NELL1: variants seen among roughly 807,000 people sequenced by gnomAD.
The protein encoded by NELL1 is protein kinase C-binding protein NELL1.
Under a neutral mutation model 107.4 loss-of-function variants are expected in NELL1, and 76 were observed. The ratio of observed to expected loss-of-function variants is 0.71; its 90% CI spans 0.59 to 0.86. The LOEUF is 0.86. Ranked by LOEUF, NELL1 falls within the 40% of genes least tolerant of loss-of-function variation. The pLI is 0.00. For synonymous variants in NELL1, 353 were observed against 341.2 expected (o/e 1.03, Z -0.38); for missense variants, 1,024 against 1,005.5 (o/e 1.02, Z -0.25).
chr11:20,857,348 C>T (rs56838216), intron 4 of NELL1, among the ~76,000 whole-genome samples: 18,746 of 152,204 alleles, frequency 0.12, 1,417 homozygotes, highest in East Asian at 0.21. Flanking sequence ...CCCATCCACT[C>T]ACTCCCCTCG....
At chr11:21,560,878 A>C (rs1453354485) in intron 17 of NELL1, among the ~76,000 whole-genome samples, 1 of 130,860 alleles carries the variant, frequency 7.6e-6, no homozygotes, top group Non-Finnish European at 1.7e-5. Context: ...TGATAGTATG[A>C]GGCCTCTTAG....
At chr11:20,995,583 A>AG (rs1852073339) in intron 12 of NELL1, among the ~76,000 whole-genome samples, 1 of 147,502 alleles carries the variant, frequency 6.8e-6, no homozygotes, top group South Asian at 2.3e-4. Context: ...ATTAAAAAAA[A>AG]AAATCAGCGT....
chr11:20,725,745 TG>T (rs1855493728), intron 2 of NELL1, among the ~76,000 whole-genome samples: 1 of 152,232 alleles, frequency 6.6e-6, no homozygotes, highest in Non-Finnish European at 1.5e-5. Flanking sequence ...TGCTAGTTTT[TG>T]TTTATTTTTC....
At chr11:20,722,690 C>T (rs1171308661) in intron 2 of NELL1, among the ~76,000 whole-genome samples, 3 of 151,950 alleles carry the variant, frequency 2.0e-5, no homozygotes, top group African/African-American at 4.8e-5. Context: ...AAGTGCAAGC[C>T]GAAGAAGCCA....
At chr11:20,818,388 T>C (rs1004292695) in intron 3 of NELL1, among the ~76,000 whole-genome samples, 4 of 146,510 alleles carry the variant, frequency 2.7e-5, no homozygotes, top group Non-Finnish European at 6.0e-5. Context: ...TCATCCCATA[T>C]AAGAGAAGCA....
upstream of NELL1, chr11:20,669,579 G>A (rs1853840033): frequency 1.8e-6 from 1 of 562,914 alleles, no homozygotes; most frequent in Non-Finnish European, 3.2e-6. The surrounding 1 kb of genome is among the most constrained non-coding windows in gnomAD (Gnocchi z 4.4). Flanking sequence ...GCATATGCGA[G>A]CGCAGCACCC....
chr11:21,134,606 C>G (rs560399278), intron 13 of NELL1, among the ~76,000 whole-genome samples: 1 of 152,126 alleles, frequency 6.6e-6, no homozygotes, highest in African/African-American at 2.4e-5. Context: ...TTCAGATTCT[C>G]TTTTGTGCAC....
intron 15 of NELL1, among the ~76,000 whole-genome samples, chr11:21,514,709 G>T (rs182955697): frequency 3.3e-4 from 48 of 143,314 alleles, no homozygotes; most frequent in African/African-American, 1.4e-3. Context: ...TGGCCAGGGG[G>T]CAGACTGTTT....
At chr11:21,474,417 T>C (rs1854268350) in intron 15 of NELL1, among the ~76,000 whole-genome samples, 1 of 152,072 alleles carries the variant, frequency 6.6e-6, no homozygotes, top group Admixed American at 6.6e-5. Flanking sequence ...ACAGGGACTT[T>C]TATCTTGCTT....
chr11:20,755,865 G>GTTTTTTTTTTT (rs574606148), intron 2 of NELL1, among the ~76,000 whole-genome samples: 32 of 122,074 alleles, frequency 2.6e-4, no homozygotes, highest in Non-Finnish European at 4.7e-4. Context: ...CAGACCTGCG[G>GTTTTTTTTTTT]TTTTTTTTTT....
At chr11:20,974,402 C>T (rs552113757) in intron 12 of NELL1, among the ~76,000 whole-genome samples, 20 of 152,054 alleles carry the variant, frequency 1.3e-4, no homozygotes, top group African/African-American at 3.6e-4. Flanking sequence ...ATCTCAGGCC[C>T]GTCTGACATC....
intron 12 of NELL1, among the ~76,000 whole-genome samples, chr11:21,073,881 A>G: frequency 6.6e-6 from 1 of 152,216 alleles, no homozygotes; most frequent in Non-Finnish European, 1.5e-5. Context: ...AGAAATGTAC[A>G]AAGAGAATGG....
intron 14 of NELL1, among the ~76,000 whole-genome samples, chr11:21,248,906 T>C (rs866759382): frequency 3.4e-4 from 51 of 152,154 alleles, no homozygotes; most frequent in Middle Eastern, 6.8e-3. Flanking sequence ...TTTTCTACTG[T>C]GGGAGGGAAT....
chr11:21,046,104 C>T (rs1385842692), intron 12 of NELL1, among the ~76,000 whole-genome samples: 1 of 152,082 alleles, frequency 6.6e-6, no homozygotes, highest in African/African-American at 2.4e-5. Context: ...CATTTTAATT[C>T]ATTCTCTAAG....
chr11:21,417,428 G>A (rs1852545077), intron 15 of NELL1, among the ~76,000 whole-genome samples: 1 of 151,020 alleles, frequency 6.6e-6, no homozygotes, highest in African/African-American at 2.4e-5. Context: ...TATTAAAAAT[G>A]TTTCTGATTT....
intron 3 of NELL1, among the ~76,000 whole-genome samples, chr11:20,795,015 T>G (rs1383674715): frequency 2.0e-5 from 3 of 152,184 alleles, no homozygotes; most frequent in Admixed American, 1.3e-4. Context: ...AATCACTGTT[T>G]CCAATCTCTG....
chr11:21,336,979 G>A (rs1850416985), intron 14 of NELL1, among the ~76,000 whole-genome samples: 2 of 151,992 alleles, frequency 1.3e-5, no homozygotes. Flanking sequence ...CAAATATTAT[G>A]CTCAGTTAAA....
At chr11:21,264,576 T>A (rs910212219) in intron 14 of NELL1, among the ~76,000 whole-genome samples, 1 of 152,026 alleles carries the variant, frequency 6.6e-6, no homozygotes, top group African/African-American at 2.4e-5. Flanking sequence ...AAGCCCCCAC[T>A]AATTTCTAGA....
chr11:21,514,088 C>T (rs1429870638), intron 15 of NELL1, among the ~76,000 whole-genome samples: 1 of 152,140 alleles, frequency 6.6e-6, no homozygotes, highest in Non-Finnish European at 1.5e-5. Flanking sequence ...AAATGATTGA[C>T]CTGGCAGTGT....
Sources: gnomAD v4.1 joint callset for allele counts (sites outside exome capture counted in the v4.1 genomes callset) on GRCh38, gnomAD v4.1.1 for gene constraint, Gnocchi (gnomAD v3.1) non-coding constraint, MANE v1.5 for transcripts, NCBI Gene and HGNC (gene_info 2026-07-23, HGNC 2026-07-21) for gene names.